The following MYO7A variants were observed in gnomAD, a reference collection of about 807,000 sequenced individuals.
MYO7A encodes the protein unconventional myosin-VIIa.
In MYO7A, 210 loss-of-function variants were observed where a neutral mutation model predicts 263.8. That is an observed-to-expected ratio of 0.80 (90% confidence interval 0.71 to 0.89). MYO7A has a LOEUF of 0.89. Ranked by LOEUF, MYO7A falls within the 40% of genes least tolerant of loss-of-function variation. The pLI, the probability that MYO7A is intolerant of heterozygous loss-of-function variation, is 0.00. For missense variants in MYO7A, 2,820 were observed against 2,968.3 expected, an observed-to-expected ratio of 0.95 and a Z score of 1.16; for synonymous variants, 1,239 against 1,197.3, an observed-to-expected ratio of 1.03 and a Z score of -0.72.
rs1291060711 is a variant in MYO7A, at chr11:77,205,445, C to G, written c.5481-17C>G. ...GATGGCAGCTGCCCCTGCTGGAGCC[C>G]ACGCCTCCTCCTGCAGGTACAGCGA... On this transcript the variant is annotated splice_polypyrimidine_tract_variant and intron_variant, in intron 39 of 48. Transcript: ENST00000409709. 6.4e-7 allele frequency: 1 copy of G among 1,553,164 alleles called. No homozygotes were observed. The highest frequency in any genetic ancestry group is 8.7e-7 in the Non-Finnish European group (1 of 1,148,220).
At chr11:77,132,794 G>A (rs1392872565) in intron 2 of MYO7A, among the ~76,000 whole-genome samples, 1 of 152,184 alleles carries the variant, frequency 6.6e-6, no homozygotes, top group Non-Finnish European at 1.5e-5. Flanking sequence ...GTGGATAGAG[G>A]TTTTTAATCT....
At chr11:77,134,348 C>T (rs187225700) in intron 2 of MYO7A, among the ~76,000 whole-genome samples, 1 of 152,230 alleles carries the variant, frequency 6.6e-6, no homozygotes, top group East Asian at 1.9e-4. Context: ...ATTTATTGTC[C>T]AAATTGCATC....
At chr11:77,197,369 A>T in intron 32 of MYO7A, 112 bp from the exon 33 acceptor site, 1 of 740,608 alleles carries the variant, frequency 1.4e-6, no homozygotes, top group Non-Finnish European at 2.2e-6. Context: ...CACGATGCAC[A>T]GGAGGTGCAG....
chr11:77,147,745 A>C, intron 3 of MYO7A, 53 bp from the exon 4 acceptor site: 1 of 1,587,702 alleles, frequency 6.3e-7, no homozygotes, highest in Non-Finnish European at 8.6e-7. Context: ...CCTTCCCCTG[A>C]AGTGCGCAGC....
intron 32 of MYO7A, among the ~76,000 whole-genome samples, chr11:77,195,881 G>A (rs572157236): frequency 3.3e-5 from 5 of 152,358 alleles, no homozygotes; most frequent in South Asian, 2.1e-4. Flanking sequence ...CTGGAGCTCC[G>A]AGATCAAGGT....
At chr11:77,141,833 C>A (rs1555050770) in intron 2 of MYO7A, among the ~76,000 whole-genome samples, 1 of 152,204 alleles carries the variant, frequency 6.6e-6, no homozygotes, top group Non-Finnish European at 1.5e-5. Context: ...TCATTCTCCA[C>A]CATTGGCTTG....
In MYO7A at chr11:77,190,778, A is replaced by C. The variant is rs1487183681; in HGVS notation, c.3832A>C (p.Thr1278Pro). ...CAAGACCCTGCTGACGGACTCGGCA[A>C]CCACGGCCAAGGAGCTCTGCAACGC... Reference protein sequence around the residue: ...TTKTLLTDSATTAKELCNALA... With the variant: ...TTKTLLTDSAPTAKELCNALA... Residue 1278 changes from threonine to proline, a missense_variant, in exon 30 of 49, where the codon ACC (threonine) becomes CCC (proline). Coordinates refer to ENST00000409709, the MANE Select transcript of MYO7A (RefSeq NM_000260.4). The C allele has an allele frequency of 6.3e-7, 1 of 1,597,344 alleles. No individual in the cohort carries two copies. Among genetic ancestry groups the C allele is most frequent in the Non-Finnish European group, 8.5e-7 (1 of 1,172,442 alleles).
At chr11:77,147,580 G>T (rs1204867668) in intron 3 of MYO7A, among the ~76,000 whole-genome samples, 2 of 152,042 alleles carry the variant, frequency 1.3e-5, no homozygotes, top group African/African-American at 4.8e-5. Context: ...AGGTCTGCGG[G>T]AAAATCCCCT....
chr11:77,180,586 C>T, intron 22 of MYO7A, 105 bp downstream of exon 22: 3 of 1,009,432 alleles, frequency 3.0e-6, no homozygotes, highest in Non-Finnish European at 4.4e-6. Flanking sequence ...TTCCTTCCAT[C>T]CTTCAGAATG....
chr11:77,147,008 C>T (rs1555054021), intron 3 of MYO7A, among the ~76,000 whole-genome samples: 1 of 152,116 alleles, frequency 6.6e-6, no homozygotes, highest in African/African-American at 2.4e-5. Flanking sequence ...GGGCAGGCAG[C>T]CTGTGTCCTC....
intron 47 of MYO7A, among the ~76,000 whole-genome samples, chr11:77,213,497 G>A (rs986506352): frequency 8.6e-5 from 13 of 152,022 alleles, no homozygotes; most frequent in Admixed American, 1.3e-4. Flanking sequence ...ATTCCTTCCC[G>A]GACCCTTTGG....
rs12420129 is a variant in MYO7A at position 77,156,089 on chromosome 11, C to T, written c.468C>T (p.Ile156=). 0.026 allele frequency: 41,878 copies of T among 1,613,478 alleles called. 1,402 individuals are homozygous for T. The highest frequency in any genetic ancestry group is 0.16 in the Admixed American group (9,576 of 59,918). The part of the protein sequence containing the change: ...KRNSRDQCCI[I]SGESGAGKTE... ...ACAGCCGAGACCAGTGCTGCATCAT[C>T]AGGTGGGCGGCCCAGCACCTGTGTG... The change falls in exon 5 of 49, where the codon ATC becomes ATT. Residue 156 remains isoleucine (I), a splice_region_variant and synonymous_variant. Coordinates refer to ENST00000409709, the MANE Select transcript of MYO7A (RefSeq NM_000260.4).
intron 4 of MYO7A, among the ~76,000 whole-genome samples, chr11:77,153,263 G>T (rs1326382254): frequency 2.0e-5 from 3 of 152,048 alleles, no homozygotes; most frequent in Admixed American, 2.0e-4. Context: ...AGGGAGGGGT[G>T]TCCAGGGGCT....
At chr11:77,144,554 G>T (rs782372774) in intron 3 of MYO7A, among the ~76,000 whole-genome samples, 1 of 152,094 alleles carries the variant, frequency 6.6e-6, no homozygotes, top group Non-Finnish European at 1.5e-5. Flanking sequence ...TGTGGCATTG[G>T]ACCCCCAGGG....
chr11:77,194,019 C>T (rs1200958774), intron 31 of MYO7A: 7 of 526,532 alleles, frequency 1.3e-5, no homozygotes, highest in African/African-American at 5.7e-5. Context: ...CAGCTCTGGT[C>T]GCTGTCTCAC....
chr11:77,188,330 A>G (rs1955789194), intron 27 of MYO7A, among the ~76,000 whole-genome samples: 2 of 152,214 alleles, frequency 1.3e-5, no homozygotes, highest in Admixed American at 1.3e-4. Context: ...TGGAAATTTA[A>G]AATTACCTTT....
chr11:77,211,137 C>T lies in MYO7A; in HGVS notation c.6052-15C>T, dbSNP rs1291662843. ...CAGGTCCCTGCACGCCTGTGACCTG[C>T]TCTGTCTCTGACAGGAGTTGCCCAA... On this transcript the variant is annotated splice_polypyrimidine_tract_variant and intron_variant, in intron 44 of 48. Coordinates refer to ENST00000409709, the MANE Select transcript of MYO7A (RefSeq NM_000260.4). The T allele has an allele frequency of 1.3e-6, 2 of 1,555,192 alleles. No individual in the cohort carries two copies. Among genetic ancestry groups the T allele is most frequent in the South Asian group, 2.4e-5 (2 of 83,892 alleles).
Position 77,138,109 on chromosome 11 carries a change from G to C in MYO7A, c.19-4600G>C, listed in dbSNP as rs1950979011. Among the ~76,000 whole-genome samples, 1 of 152,150 alleles carries C rather than the reference G, an allele frequency of 6.6e-6. No homozygotes were observed. Among genetic ancestry groups the C allele is most frequent in the Non-Finnish European group, 1.5e-5 (1 of 68,004 alleles). ...CGCCTGGGATTCCGGGCAAAGTGGG[G>C]CTGTGGGGGGTTCGGCCGAGACGGA... On this transcript the variant is annotated intron_variant, in intron 2 of 48. Coordinates refer to ENST00000409709, the MANE Select transcript of MYO7A (RefSeq NM_000260.4). This position sits in a 1 kb window ranked among gnomAD's most constrained non-coding sequence, Gnocchi z 4.9.
At chr11:77,156,625 G>A (rs1555062338) in intron 5 of MYO7A, 35 bp from the exon 6 acceptor site, 2 of 1,610,608 alleles carry the variant, frequency 1.2e-6, no homozygotes, top group East Asian at 4.5e-5. Flanking sequence ...GTCCCTGTGG[G>A]TTGTGACAGG....
Sources: allele counts gnomAD v4.1 joint callset (sites outside exome capture counted in the v4.1 genomes callset), GRCh38; gene constraint gnomAD v4.1.1; non-coding constraint Gnocchi (gnomAD v3.1); transcripts MANE v1.5; gene names NCBI Gene and HGNC (gene_info 2026-07-23, HGNC 2026-07-21).